SLC24A2: variants seen among roughly 807,000 people sequenced by gnomAD.
SLC24A2 encodes the protein sodium/potassium/calcium exchanger 2.
Under a neutral mutation model 62.0 loss-of-function variants are expected in SLC24A2, and 36 were observed. The observed-to-expected ratio is 0.58, with a 90% CI of 0.44 to 0.77. The LOEUF is 0.77. Ranked by LOEUF, SLC24A2 falls within the 30% of genes least tolerant of loss-of-function variation. SLC24A2 has a pLI of 0.00. For missense variants in SLC24A2, 846 were observed against 817.9 expected, an observed-to-expected ratio of 1.03 and a Z score of -0.42; for synonymous variants, 358 against 294.0, an observed-to-expected ratio of 1.22 and a Z score of -2.23.
the SLC24A2 span, among the ~76,000 whole-genome samples, chr9:20,241,224 G>C: frequency 6.6e-6 from 1 of 152,196 alleles, no homozygotes; most frequent in Admixed American, 6.5e-5. Context: ...GGACCCAAAA[G>C]AAATTACTCC....
chr9:19,624,908 C>G (rs1817995898), intron 2 of SLC24A2, among the ~76,000 whole-genome samples: 1 of 152,170 alleles, frequency 6.6e-6, no homozygotes, highest in African/African-American at 2.4e-5. Context: ...AGCAGCCTCA[C>G]AGTCCTGACA....
chr9:19,916,585 C>A, the SLC24A2 span, among the ~76,000 whole-genome samples: 1 of 151,906 alleles, frequency 6.6e-6, no homozygotes, highest in Non-Finnish European at 1.5e-5. Flanking sequence ...TACACATTTT[C>A]ATATTTATGG....
chr9:20,218,957 T>A, the SLC24A2 span, among the ~76,000 whole-genome samples: 1 of 152,132 alleles, frequency 6.6e-6, no homozygotes, highest in Admixed American at 6.6e-5. Flanking sequence ...GCAGCAATCC[T>A]ATTGATGAAG....
chr9:19,696,591 G>A (rs1017836405), intron 2 of SLC24A2, among the ~76,000 whole-genome samples: 2 of 152,066 alleles, frequency 1.3e-5, no homozygotes, highest in African/African-American at 2.4e-5. Context: ...GTCTACTGGT[G>A]TTTGCTATAT....
chr9:19,921,238 A>C, the SLC24A2 span, among the ~76,000 whole-genome samples: 3 of 152,100 alleles, frequency 2.0e-5, no homozygotes, highest in Non-Finnish European at 4.4e-5. Context: ...TTTAGAACTT[A>C]CATGGCCGGG....
the SLC24A2 span, among the ~76,000 whole-genome samples, chr9:20,132,980 G>A: frequency 6.6e-6 from 1 of 151,998 alleles, no homozygotes; most frequent in African/African-American, 2.4e-5. Context: ...ATGTGGCTAG[G>A]CTGCAGTCCC....
the SLC24A2 span, among the ~76,000 whole-genome samples, chr9:20,052,533 G>T: frequency 6.6e-6 from 1 of 152,090 alleles, no homozygotes; most frequent in African/African-American, 2.4e-5. Context: ...TTTTTTCCAT[G>T]GGTTTTCTTT....
chr9:19,519,569 TCATC>T (rs890182196), intron 10 of SLC24A2, among the ~76,000 whole-genome samples: 9 of 152,294 alleles, frequency 5.9e-5, no homozygotes, highest in Non-Finnish European at 1.2e-4. Flanking sequence ...AGGCATTCAT[TCATC>T]CATCCATCCA....
At chr9:19,528,441 T>C in intron 8 of SLC24A2, among the ~76,000 whole-genome samples, 1 of 152,184 alleles carries the variant, frequency 6.6e-6, no homozygotes, top group East Asian at 1.9e-4. Flanking sequence ...TTGTCCTTTC[T>C]AAGGCCTGGT....
chr9:19,546,829 T>A (rs7875480), intron 8 of SLC24A2, among the ~76,000 whole-genome samples: 13,777 of 151,862 alleles, frequency 0.091, 2,007 homozygotes, highest in African/African-American at 0.31. Flanking sequence ...CACTGGAGGG[T>A]ATCTTCTGGT....
chr9:19,815,238 C>T, the SLC24A2 span, among the ~76,000 whole-genome samples: 1 of 152,126 alleles, frequency 6.6e-6, no homozygotes, highest in Non-Finnish European at 1.5e-5. Context: ...AAAGTAGTGA[C>T]TCAAGAGGTC....
the SLC24A2 span, among the ~76,000 whole-genome samples, chr9:20,204,904 C>A: frequency 1.3e-5 from 2 of 152,042 alleles, no homozygotes; most frequent in African/African-American, 2.4e-5. Context: ...CCACCACACT[C>A]GGCTAATTTT....
the SLC24A2 span, among the ~76,000 whole-genome samples, chr9:19,996,552 C>A: frequency 6.6e-6 from 1 of 151,876 alleles, no homozygotes; most frequent in Non-Finnish European, 1.5e-5. Context: ...CCAGCCTGGC[C>A]AACATGGTGA....
At chr9:20,034,209 G>A in the SLC24A2 span, among the ~76,000 whole-genome samples, 3 of 152,056 alleles carry the variant, frequency 2.0e-5, no homozygotes, top group Non-Finnish European at 4.4e-5. Context: ...GTTTCAACCT[G>A]GATAAAATAT....
chr9:20,208,172 G>A, the SLC24A2 span, among the ~76,000 whole-genome samples: 130 of 152,310 alleles, frequency 8.5e-4, no homozygotes, highest in African/African-American at 3.1e-3. Context: ...AATGTGTGCA[G>A]GTGGGTAGGC....
intron 8 of SLC24A2, among the ~76,000 whole-genome samples, chr9:19,530,152 G>A (rs1265121586): frequency 6.7e-6 from 1 of 148,414 alleles, no homozygotes; most frequent in East Asian, 2.0e-4. Context: ...CCAGTGCTAA[G>A]AGATGAAGTT....
chr9:20,106,010 G>C, the SLC24A2 span, among the ~76,000 whole-genome samples: 352 of 152,220 alleles, frequency 2.3e-3, no homozygotes, highest in Non-Finnish European at 4.3e-3. Context: ...AAATGATAAA[G>C]GGAATATCAC....
chr9:19,609,213 C>T (rs1201998313), intron 4 of SLC24A2, among the ~76,000 whole-genome samples: 1 of 152,254 alleles, frequency 6.6e-6, no homozygotes, highest in East Asian at 1.9e-4. Flanking sequence ...CTCACTGCTT[C>T]AGGAATGAGG....
intron 2 of SLC24A2, among the ~76,000 whole-genome samples, chr9:19,746,591 G>A (rs995320473): frequency 3.3e-5 from 5 of 152,080 alleles, no homozygotes; most frequent in African/African-American, 1.2e-4. Flanking sequence ...ACAATGGGAA[G>A]CTTTTAATTA....
Sources: gnomAD v4.1 joint callset for allele counts (sites outside exome capture counted in the v4.1 genomes callset) on GRCh38, gnomAD v4.1.1 for gene constraint, MANE v1.5 for transcripts, NCBI Gene and HGNC (gene_info 2026-07-23, HGNC 2026-07-21) for gene names.